Variants in RPGRIP1L observed in about 807,000 individuals in gnomAD.
RPGRIP1L encodes the protein RPGRIP1 like.
In RPGRIP1L, 131 loss-of-function variants were observed where a neutral mutation model predicts 160.4. The ratio of observed to expected loss-of-function variants is 0.82; its 90% CI spans 0.71 to 0.94. The LOEUF (loss-of-function observed/expected upper bound fraction) is 0.94, where lower values mean the gene tolerates loss of function less well. Among genes scored for constraint, RPGRIP1L ranks in the 40% least tolerant of loss-of-function variants. The pLI is 0.00. For synonymous variants in RPGRIP1L, 510 were observed against 515.8 expected (o/e 0.99, Z 0.15); for missense variants, 1,522 against 1,535.8 (o/e 0.99, Z 0.15).
chr16:53,631,697 T>A (rs1279631231), intron 22 of RPGRIP1L, among the ~76,000 whole-genome samples: 2 of 152,038 alleles, frequency 1.3e-5, no homozygotes, highest in African/African-American at 2.4e-5. Flanking sequence ...TAGAGAAATG[T>A]CCAAAGTTTT....
intron 25 of RPGRIP1L, among the ~76,000 whole-genome samples, chr16:53,609,190 GC>G (rs1963872235): frequency 6.6e-6 from 1 of 152,198 alleles, no homozygotes; most frequent in Admixed American, 6.5e-5. Flanking sequence ...CTGGGCTCAA[GC>G]GGTCCTTCCT....
At chr16:53,679,390 G>A (rs1244359147) in intron 6 of RPGRIP1L, among the ~76,000 whole-genome samples, 1 of 151,996 alleles carries the variant, frequency 6.6e-6, no homozygotes, top group Non-Finnish European at 1.5e-5. Context: ...TAAAAGAAAT[G>A]GGAATCTGAT....
intron 26 of RPGRIP1L, among the ~76,000 whole-genome samples, chr16:53,604,785 G>GTTAA (rs1348062214): frequency 6.6e-6 from 1 of 152,146 alleles, no homozygotes. Context: ...CATGCTTAAG[G>GTTAA]TTAAGTACCT....
intron 7 of RPGRIP1L, 54 bp downstream of exon 7, chr16:53,674,963 T>A: frequency 8.2e-7 from 1 of 1,223,924 alleles, no homozygotes. Context: ...TGAATACTAC[T>A]TTTGAATCCT....
intron 10 of RPGRIP1L, among the ~76,000 whole-genome samples, chr16:53,664,561 A>T (rs1036128069): frequency 6.6e-6 from 1 of 152,220 alleles, no homozygotes; most frequent in Admixed American, 6.5e-5. Flanking sequence ...ACCTAGCACT[A>T]ACTGGTGCTC....
chr16:53,630,757 CAG>C (rs1334449971), intron 22 of RPGRIP1L, among the ~76,000 whole-genome samples: 3 of 151,908 alleles, frequency 2.0e-5, no homozygotes, highest in Middle Eastern at 6.3e-3. Context: ...ATTTTTGTGA[CAG>C]AGTCTTGCTC....
At chr16:53,606,762 C>T (rs1321173535) in intron 25 of RPGRIP1L, among the ~76,000 whole-genome samples, 6 of 151,944 alleles carry the variant, frequency 3.9e-5, no homozygotes, top group African/African-American at 7.3e-5. Flanking sequence ...TACAGGTGCC[C>T]GCCACCACAT....
intron 14 of RPGRIP1L, 126 bp downstream of exon 14, chr16:53,656,346 G>A (rs1967254195): frequency 1.3e-6 from 1 of 790,414 alleles, no homozygotes; most frequent in South Asian, 1.4e-5. Flanking sequence ...GCATTCATGA[G>A]CTAGCTATGA....
Position 53,601,069 on chromosome 16 carries a change from T to G in RPGRIP1L, c.*1007A>C, listed in dbSNP as rs200351033. ...TCTAGAGACAATTCCTTTGCAGCAT[T>G]GATTCACAGCTCCATTAAAAATATC... On this transcript the variant is annotated 3_prime_UTR_variant, in exon 27 of 27. Coordinates refer to ENST00000647211, the MANE Select transcript of RPGRIP1L (RefSeq NM_015272.5). 2 of 152,634 alleles carry G rather than the reference T, an allele frequency of 1.3e-5. No individual in the cohort carries two copies. The highest frequency in any genetic ancestry group is 3.8e-4 in the East Asian group (2 of 5,198). The allele number at this position is 152,634 out of a possible 1,614,324, so 9.5% of individuals were successfully genotyped here. A position where few individuals can be genotyped will look rare whatever the true frequency, so the allele number is the denominator to read the frequency against.
At chr16:53,625,336 C>T (rs1319334057) in intron 22 of RPGRIP1L, among the ~76,000 whole-genome samples, 2 of 151,478 alleles carry the variant, frequency 1.3e-5, no homozygotes, top group African/African-American at 2.4e-5. Context: ...CGCGGCTGCC[C>T]CATCTGGGTG....
At chr16:53,701,274 G>A (rs1393219719) in intron 1 of RPGRIP1L, among the ~76,000 whole-genome samples, 1 of 151,910 alleles carries the variant, frequency 6.6e-6, no homozygotes, top group East Asian at 1.9e-4. Context: ...CAAATGAGTG[G>A]GCAGTTCTGT....
chr16:53,601,814 C>A lies in RPGRIP1L; in HGVS notation c.*262G>T. The stretch of plus-strand genomic sequence containing the variant: ...GCAAATAGACTTTCTCACGCTATCA[C>A]GTAGGTATAAATTATTGAGAAGGTA... On this transcript the variant is annotated 3_prime_UTR_variant, in exon 27 of 27. Coordinates refer to ENST00000647211, the MANE Select transcript of RPGRIP1L (RefSeq NM_015272.5). The A allele has an allele frequency of 2.5e-6, 1 of 399,166 alleles. No homozygotes were observed. 24.7% of individuals were successfully genotyped at this position (399,166 alleles called of 1,614,324 possible). A position where few individuals can be genotyped will look rare whatever the true frequency, so the allele number is the denominator to read the frequency against.
intron 3 of RPGRIP1L, chr16:53,694,296 G>A (rs1443633689): frequency 6.6e-6 from 1 of 151,804 alleles, no homozygotes; most frequent in Non-Finnish European, 1.5e-5. Context: ...AATTAGCCAG[G>A]TATGGTGGCA....
chr16:53,629,264 T>C (rs1965364493), intron 22 of RPGRIP1L, among the ~76,000 whole-genome samples: 1 of 152,196 alleles, frequency 6.6e-6, no homozygotes, highest in Non-Finnish European at 1.5e-5. Flanking sequence ...CCCCAGACGA[T>C]TCTCATGTGC....
chr16:53,648,292 C>A lies in RPGRIP1L; in HGVS notation c.2304+672G>T, dbSNP rs1419516548. ...CACCCTGAGGAATTGCATTTAAATTCCAAGTTCCCAGAAAGAGAATATTAA... is the reference window on the plus strand; with the variant it reads ...CACCCTGAGGAATTGCATTTAAATTACAAGTTCCCAGAAAGAGAATATTAA... On this transcript the variant is annotated intron_variant, in intron 16 of 26. Coordinates refer to ENST00000647211, the MANE Select transcript of RPGRIP1L (RefSeq NM_015272.5). Among the ~76,000 whole-genome samples, 10 of 152,088 alleles carry A rather than the reference C, an allele frequency of 6.6e-5. No homozygotes were observed. In the East Asian group the frequency reaches 1.5e-3, roughly 23 times the overall value.
At chr16:53,658,666 TTAATATATC>T (rs1365948294) in intron 11 of RPGRIP1L, 97 bp downstream of exon 11, 1 of 871,542 alleles carries the variant, frequency 1.1e-6, no homozygotes, top group African/African-American at 1.7e-5. Context: ...AACTGAGTAA[TTAATATATC>T]TGTATGCTTT....
At chr16:53,675,477 T>C (rs1969082333) in intron 6 of RPGRIP1L, among the ~76,000 whole-genome samples, 1 of 151,992 alleles carries the variant, frequency 6.6e-6, no homozygotes, top group South Asian at 2.1e-4. Flanking sequence ...AATGGTACCA[T>C]TACCGAACTT....
At chr16:53,648,028 C>T (rs1365820243) in intron 16 of RPGRIP1L, among the ~76,000 whole-genome samples, 3 of 142,974 alleles carry the variant, frequency 2.1e-5, no homozygotes, top group African/African-American at 5.2e-5. Context: ...TGCATGAACC[C>T]GGGAGGCGGA....
intron 23 of RPGRIP1L, among the ~76,000 whole-genome samples, chr16:53,619,740 T>C (rs1234838454): frequency 6.6e-6 from 1 of 152,226 alleles, no homozygotes; most frequent in Non-Finnish European, 1.5e-5. Context: ...TGTCATAATA[T>C]ACTTTGTTGA....
Sources: allele counts gnomAD v4.1 joint callset (sites outside exome capture counted in the v4.1 genomes callset), GRCh38; gene constraint gnomAD v4.1.1; transcripts MANE v1.5; gene names NCBI Gene and HGNC (gene_info 2026-07-23, HGNC 2026-07-21).